SLC37A1: variants seen among roughly 807,000 people sequenced by gnomAD.
The protein encoded by SLC37A1 is glucose-6-phosphate exchanger SLC37A1.
SLC37A1 carries 49 observed loss-of-function variants against 75.3 expected under a neutral mutation model. The observed-to-expected ratio is 0.65, with a 90% CI of 0.52 to 0.83. The LOEUF is 0.83. Among genes scored for constraint, SLC37A1 ranks in the 40% least tolerant of loss-of-function variants. The pLI is 0.00. For missense variants in SLC37A1, 566 were observed against 695.0 expected (o/e 0.81, Z 2.09); for synonymous variants, 268 against 292.1 (o/e 0.92, Z 0.84).
Position 42,543,621 on chromosome 21 carries a change from G to C in SLC37A1, c.730+19G>C, listed in dbSNP as rs745717782. 7 of 1,570,986 alleles carry C rather than the reference G, an allele frequency of 4.5e-6. No individual in the cohort carries two copies. In the South Asian group the frequency reaches 8.2e-5, roughly 18 times the overall value. ...ATTGAACGTAAGTGCACGTGGCCTT[G>C]GAGACCACCCACCAAGGGAGGCCTC... On this transcript the variant is annotated intron_variant, in intron 8 of 19. Coordinates refer to ENST00000352133, the MANE Select transcript of SLC37A1 (RefSeq NM_001320537.2).
Position 42,564,785 on chromosome 21 carries a change from G to A in SLC37A1, c.1213G>A (p.Ala405Thr), listed in dbSNP as rs772143927. The A allele has an allele frequency of 6.9e-6, 11 of 1,605,164 alleles. No individual in the cohort carries two copies. Among genetic ancestry groups the A allele is most frequent in the Admixed American group, 1.7e-5 (1 of 59,998 alleles). Reference protein sequence around the residue: ...STCGLMLLLAAPTLYIFSTVS... With the variant: ...STCGLMLLLATPTLYIFSTVS... ...CTGCGGCCTGATGCTGCTGCTCGCG[G>A]CCCCCACGGTCAGCCGTGCTGCCTT... The change falls in exon 14 of 20, where the codon GCC becomes ACC. Residue 405 changes from alanine to threonine, a missense_variant. Coordinates refer to ENST00000352133, the MANE Select transcript of SLC37A1 (RefSeq NM_001320537.2).
rs1273256445 is a variant in SLC37A1 at position 42,545,663 on chromosome 21, A to AAG, written c.731-1437_731-1436dup. 2.0e-5 allele frequency among the ~76,000 whole-genome samples: 3 copies of AAG among 152,246 alleles called. No individual in the cohort carries two copies. The highest frequency in any genetic ancestry group is 2.0e-4 in the Admixed American group (3 of 15,294). On this transcript the variant is annotated intron_variant, in intron 8 of 19. Coordinates refer to ENST00000352133, the MANE Select transcript of SLC37A1 (RefSeq NM_001320537.2). This position sits in a 1 kb window ranked among gnomAD's most constrained non-coding sequence, Gnocchi z 4.0. ...AAGTCCCTGAAGGTGAAAGTCCAGG[A>AAG]AGAGCCATATCAGGGGAAGCCCCTG...
chr21:42,503,702 C>T (rs2054361064), intron 2 of SLC37A1, among the ~76,000 whole-genome samples: 1 of 152,164 alleles, frequency 6.6e-6, no homozygotes, highest in African/African-American at 2.4e-5. Context: ...TTTGAATTGC[C>T]TTTCTCCTCT....
intron 11 of SLC37A1, among the ~76,000 whole-genome samples, chr21:42,560,015 G>A (rs1444515937): frequency 6.6e-6 from 1 of 152,158 alleles, no homozygotes; most frequent in East Asian, 1.9e-4. Context: ...GGCGGGAGAA[G>A]CCCTCAGAAG....
chr21:42,525,830 A>G lies in SLC37A1; in HGVS notation c.111A>G (p.Leu37=), dbSNP rs776009536. ...LTFLLYASFH[L]SRKPISIVKG... ...TTCTGCTGTATGCAAGTTTTCACTT[A>G]TCTCGAAAGCCTATCAGCATAGTTA... The change falls in exon 3 of 20, where the codon TTA becomes TTG. Residue 37 remains leucine (L), a synonymous_variant. Coordinates refer to ENST00000352133, the MANE Select transcript of SLC37A1 (RefSeq NM_001320537.2). 2 of 1,613,976 alleles carry G rather than the reference A, an allele frequency of 1.2e-6. No homozygotes were observed. Among genetic ancestry groups the G allele is most frequent in the Non-Finnish European group, 1.7e-6 (2 of 1,179,968 alleles).
chr21:42,500,362 T>C (rs1022325270), intron 1 of SLC37A1, among the ~76,000 whole-genome samples: 3 of 152,232 alleles, frequency 2.0e-5, no homozygotes, highest in African/African-American at 4.8e-5. Flanking sequence ...ATTTAGTGGA[T>C]AGAGACAGAC....
intron 2 of SLC37A1, among the ~76,000 whole-genome samples, chr21:42,506,901 GAGAC>G (rs1340891002): frequency 1.1e-4 from 17 of 149,522 alleles, no homozygotes; most frequent in Admixed American, 1.1e-3. Flanking sequence ...TTTTCTTTTT[GAGAC>G]AGACTCTCAC....
intron 18 of SLC37A1, 66 bp from the exon 19 acceptor site, chr21:42,579,670 G>A (rs2056380601): frequency 1.3e-6 from 2 of 1,582,310 alleles, no homozygotes; most frequent in South Asian, 1.1e-5. Flanking sequence ...TCCTCATGGT[G>A]CCCACGGCGC....
In SLC37A1 at chr21:42,570,274, G is replaced by C. The variant is rs901063845; in HGVS notation, c.1423+1836G>C. Among the ~76,000 whole-genome samples, 69 of 50,106 alleles carry C rather than the reference G, an allele frequency of 1.4e-3. 7 individuals carry two copies. The highest frequency in any genetic ancestry group is 2.7e-3 in the African/African-American group (25 of 9,318). The allele number at this position is 50,106 out of a possible 152,430, so 32.9% of individuals were successfully genotyped here. Reference sequence around the variant, plus strand: ...CCTGGTTCTGAGAAGCGGCAGGCAGGGTGGCCGTTGTCATGCGACACACGG... The same window carrying C: ...CCTGGTTCTGAGAAGCGGCAGGCAGCGTGGCCGTTGTCATGCGACACACGG... On this transcript the variant is annotated intron_variant, in intron 17 of 19. Transcript: ENST00000352133.
chr21:42,518,431 G>C lies in SLC37A1; in HGVS notation c.-24G>C, dbSNP rs934380578. On this transcript the variant is annotated 5_prime_UTR_variant, in exon 2 of 20. Transcript: ENST00000352133. ...TGAAGCATCTTATTCTGCGACCGAG[G>C]CTCAGTGGTCAGTGGCGACGTAAAT... is the stretch of plus-strand genomic sequence containing the variant. The C allele has an allele frequency of 1.5e-5, 25 of 1,613,900 alleles. No homozygotes were observed. The highest frequency in any genetic ancestry group is 2.7e-5 in the African/African-American group (2 of 74,894).
At chr21:42,576,980 T>G (rs2056322300) in intron 18 of SLC37A1, among the ~76,000 whole-genome samples, 2 of 152,214 alleles carry the variant, frequency 1.3e-5, no homozygotes, top group Non-Finnish European at 2.9e-5. Flanking sequence ...TGAAGCAATA[T>G]TTTAAGACAA....
intron 10 of SLC37A1, among the ~76,000 whole-genome samples, chr21:42,558,371 TA>T (rs2055743164): frequency 1.3e-5 from 2 of 152,366 alleles, no homozygotes; most frequent in South Asian, 4.1e-4. Flanking sequence ...CAGGATCATG[TA>T]AAGAATTTCT....
intron 2 of SLC37A1, among the ~76,000 whole-genome samples, chr21:42,522,332 G>A (rs1201568033): frequency 6.6e-6 from 1 of 152,214 alleles, no homozygotes; most frequent in Non-Finnish European, 1.5e-5. Context: ...AGAAAACGTA[G>A]ATAGAATTAC....
At chr21:42,499,948 G>A (rs1157830448) in intron 1 of SLC37A1, among the ~76,000 whole-genome samples, 1 of 152,246 alleles carries the variant, frequency 6.6e-6, no homozygotes, top group Non-Finnish European at 1.5e-5. Context: ...GCTGCCTTCT[G>A]TATTTTCCAC....
At chr21:42,510,750 CT>C (rs2054425463), upstream of SLC37A1, among the ~76,000 whole-genome samples, 7 of 152,222 alleles carry the variant, frequency 4.6e-5, no homozygotes, top group South Asian at 1.4e-3. Flanking sequence ...AAGTCAAAAA[CT>C]TCATAAGAGA....
At chr21:42,526,674 G>A (rs1416630341) in intron 3 of SLC37A1, among the ~76,000 whole-genome samples, 3 of 152,214 alleles carry the variant, frequency 2.0e-5, no homozygotes, top group Non-Finnish European at 2.9e-5. Context: ...TGGCTGTTTT[G>A]TGACGGTCCT....
intron 6 of SLC37A1, among the ~76,000 whole-genome samples, chr21:42,540,435 C>T (rs1468205601): frequency 2.0e-5 from 3 of 152,084 alleles, no homozygotes; most frequent in Non-Finnish European, 4.4e-5. Flanking sequence ...AAGGGGGAGA[C>T]CTGAGGAGTC....
At chr21:42,505,793 T>G (rs2054379320) in intron 2 of SLC37A1, among the ~76,000 whole-genome samples, 1 of 152,230 alleles carries the variant, frequency 6.6e-6, no homozygotes, top group African/African-American at 2.4e-5. Flanking sequence ...TTCTGATTTC[T>G]GACAGGTTAA....
intron 18 of SLC37A1, chr21:42,575,528 A>C: frequency 4.1e-6 from 4 of 985,368 alleles, no homozygotes; most frequent in Non-Finnish European, 4.8e-6. Context: ...AGAAAGTTTG[A>C]GGTTTTCCCC....
Sources: gnomAD v4.1 joint callset for allele counts (sites outside exome capture counted in the v4.1 genomes callset) on GRCh38, gnomAD v4.1.1 for gene constraint, Gnocchi (gnomAD v3.1) non-coding constraint, MANE v1.5 for transcripts, NCBI Gene and HGNC (gene_info 2026-07-23, HGNC 2026-07-21) for gene names.